LDB3: variants seen among roughly 807,000 people sequenced by gnomAD.
The protein encoded by LDB3 is LIM domain binding 3.
A neutral mutation model predicts 69.0 loss-of-function variants in LDB3; 49 were observed. The ratio of observed to expected loss-of-function variants is 0.71; its 90% CI spans 0.56 to 0.90. The LOEUF is 0.90. Among genes scored for constraint, LDB3 ranks in the 40% least tolerant of loss-of-function variants. The pLI is 0.00. For synonymous variants in LDB3, 387 were observed against 396.2 expected (o/e 0.98, Z 0.28); for missense variants, 928 against 974.1 (o/e 0.95, Z 0.63).
At chr10:86,703,147 C>A (rs137930994) in intron 7 of LDB3, among the ~76,000 whole-genome samples, 70 of 152,352 alleles carry the variant, frequency 4.6e-4, no homozygotes, top group Non-Finnish European at 7.5e-4. Flanking sequence ...AGCCTGGACA[C>A]TGTCATTGTC....
At chr10:86,732,003 CT>C (rs755552822) in intron 13 of LDB3, among the ~76,000 whole-genome samples, 9 of 123,222 alleles carry the variant, frequency 7.3e-5, no homozygotes, top group Non-Finnish European at 1.5e-4. Context: ...TTCTTTCTTT[CT>C]TTTTCTTTTT....
intron 12 of LDB3, 89 bp downstream of exon 12, chr10:86,718,936 A>G (rs1248681630): frequency 6.5e-7 from 1 of 1,533,938 alleles, no homozygotes; most frequent in Non-Finnish European, 8.9e-7. Flanking sequence ...TAATCCATTC[A>G]CATCCGACCA....
chr10:86,671,590 C>T (rs1341054140), intron 2 of LDB3, among the ~76,000 whole-genome samples: 1 of 152,202 alleles, frequency 6.6e-6, no homozygotes, highest in African/African-American at 2.4e-5. Context: ...CCAGCCAGTT[C>T]TCCAGGAAGT....
chr10:86,706,833 G>A, intron 8 of LDB3, 114 bp downstream of exon 8: 1 of 1,179,498 alleles, frequency 8.5e-7, no homozygotes, highest in Non-Finnish European at 1.2e-6. Context: ...CGCAGGCCTA[G>A]AGGAAGCCAA....
chr10:86,709,938 C>T lies in LDB3; in HGVS notation c.1119C>T (p.Ala373=), dbSNP rs773647394. 1.1e-5 allele frequency: 18 copies of T among 1,612,332 alleles called. No homozygotes were observed. Among genetic ancestry groups the T allele is most frequent in the South Asian group, 2.2e-5 (2 of 91,078 alleles). The change falls in exon 9 of 14, where the codon GCC becomes GCT. Residue 373 remains alanine (A), a synonymous_variant. Coordinates refer to ENST00000361373, the MANE Select transcript of LDB3 (RefSeq NM_007078.3). ...CCTCTTCCTACAGCCCCGCAGTGGC[C>T]GCCTCTTCAGCACCTGCCACCCACA... The part of the protein sequence containing the change: ...PQASSYSPAV[A]ASSAPATHTS...
At chr10:86,678,713 T>C (rs149502928) in intron 2 of LDB3, among the ~76,000 whole-genome samples, 3 of 152,108 alleles carry the variant, frequency 2.0e-5, no homozygotes, top group African/African-American at 7.2e-5. Context: ...CGATCATAGT[T>C]TATTGTAACC....
intron 5 of LDB3, among the ~76,000 whole-genome samples, chr10:86,687,767 G>T (rs1217660453): frequency 1.3e-5 from 2 of 152,258 alleles, no homozygotes; most frequent in Admixed American, 6.5e-5. Context: ...TCCCACAGAT[G>T]GGAGCAATCC....
Position 86,699,863 on chromosome 10 carries a change from G to T in LDB3, c.897-6668G>T, listed in dbSNP as rs1589657145. The T allele has an allele frequency of 9.8e-7, 1 of 1,022,336 alleles. No homozygotes were observed. The highest frequency in any genetic ancestry group is 1.2e-6 in the Non-Finnish European group (1 of 851,902). 63.3% of individuals were successfully genotyped at this position (1,022,336 alleles called of 1,614,324 possible). On this transcript the variant is annotated intron_variant, in intron 7 of 13. Coordinates refer to ENST00000361373, the MANE Select transcript of LDB3 (RefSeq NM_007078.3). This position sits in a 1 kb window ranked among gnomAD's most constrained non-coding sequence, Gnocchi z 4.9. Reference sequence around the variant, plus strand: ...TCGCTGCCCTCTGGAGCTCAGGGCAGCCCGGAATAGGGCTCTTTGAAGAGG... The same window carrying T: ...TCGCTGCCCTCTGGAGCTCAGGGCATCCCGGAATAGGGCTCTTTGAAGAGG...
In LDB3 at chr10:86,734,461, T is replaced by C. The variant is rs1564667340; in HGVS notation, c.*1485T>C. The C allele has an allele frequency of 6.6e-6, 1 of 152,248 alleles. No homozygotes were observed. Among genetic ancestry groups the C allele is most frequent in the African/African-American group, 2.4e-5 (1 of 41,468 alleles). The allele number at this position is 152,248 out of a possible 1,614,324, so 9.4% of individuals were successfully genotyped here. On this transcript the variant is annotated 3_prime_UTR_variant, in exon 14 of 14. Coordinates refer to ENST00000361373, the MANE Select transcript of LDB3 (RefSeq NM_007078.3). Reference sequence around the variant, plus strand: ...AAGCAGGCACTTGCGTGGATGTTTCTCACTTGAGCACGATATTTAGGCTCT... The same window carrying C: ...AAGCAGGCACTTGCGTGGATGTTTCCCACTTGAGCACGATATTTAGGCTCT...
chr10:86,679,588 G>A, intron 3 of LDB3, 70 bp downstream of exon 3: 1 of 1,553,886 alleles, frequency 6.4e-7, no homozygotes, highest in South Asian at 1.1e-5. Context: ...CCAAAAGAGG[G>A]ATTGTCCCAT....
chr10:86,696,741 C>T (rs1846016628), intron 7 of LDB3, among the ~76,000 whole-genome samples: 3 of 152,200 alleles, frequency 2.0e-5, no homozygotes. Flanking sequence ...GTCAGCAGGA[C>T]TCAAGGAGCC....
intron 2 of LDB3, among the ~76,000 whole-genome samples, chr10:86,677,284 T>C (rs1844848336): frequency 6.6e-6 from 1 of 152,120 alleles, no homozygotes; most frequent in South Asian, 2.1e-4. Context: ...GCCAGCCCAT[T>C]CCATGTGATG....
chr10:86,690,124 A>G (rs1429229960), intron 5 of LDB3, among the ~76,000 whole-genome samples: 1 of 152,204 alleles, frequency 6.6e-6, no homozygotes, highest in African/African-American at 2.4e-5. Flanking sequence ...CCAGGGAAAC[A>G]GCAGCAAACA....
intron 5 of LDB3, among the ~76,000 whole-genome samples, chr10:86,688,050 CGTGTGTGT>C (rs71487273): frequency 6.8e-5 from 7 of 103,018 alleles, no homozygotes; most frequent in East Asian, 2.6e-4. Flanking sequence ...CCCCGACCCT[CGTGTGTGT>C]GTGTGTGTGT....
chr10:86,727,564 G>A (rs1450662237), intron 13 of LDB3, among the ~76,000 whole-genome samples: 1 of 152,202 alleles, frequency 6.6e-6, no homozygotes, highest in East Asian at 1.9e-4. Flanking sequence ...TGCTAGGGCT[G>A]TCTTGACAAA....
intron 8 of LDB3, among the ~76,000 whole-genome samples, chr10:86,708,569 C>A (rs1201467675): frequency 6.6e-6 from 1 of 152,192 alleles, no homozygotes; most frequent in Non-Finnish European, 1.5e-5. Context: ...AAGCCTGGCA[C>A]CCCTTGGACA....
intron 2 of LDB3, among the ~76,000 whole-genome samples, chr10:86,670,834 C>G (rs1360047519): frequency 1.3e-5 from 2 of 152,246 alleles, no homozygotes; most frequent in Non-Finnish European, 2.9e-5. Flanking sequence ...GGTACTGGAG[C>G]CTTCCCCAGG....
intron 12 of LDB3, among the ~76,000 whole-genome samples, chr10:86,723,185 G>A (rs745378172): frequency 2.1e-5 from 3 of 144,398 alleles, no homozygotes; most frequent in Non-Finnish European, 4.5e-5. Flanking sequence ...TGGGAGGATG[G>A]TTTGAGCCCA....
chr10:86,681,968 G>T (rs1182129325), intron 5 of LDB3, among the ~76,000 whole-genome samples, 165 bp downstream of exon 5: 1 of 152,214 alleles, frequency 6.6e-6, no homozygotes, highest in Admixed American at 6.5e-5. Context: ...CATGAGCCGG[G>T]CATGCTAGCG....
Sources: allele counts gnomAD v4.1 joint callset (sites outside exome capture counted in the v4.1 genomes callset), GRCh38; gene constraint gnomAD v4.1.1; non-coding constraint Gnocchi (gnomAD v3.1); transcripts MANE v1.5; gene names NCBI Gene and HGNC (gene_info 2026-07-23, HGNC 2026-07-21).